The following LTBP1 variants were observed in gnomAD, a reference collection of about 807,000 sequenced individuals.
The protein encoded by LTBP1 is latent transforming growth factor beta binding protein 1, also known as latent-transforming growth factor beta-binding protein 1.
Under a neutral mutation model 207.6 loss-of-function variants are expected in LTBP1, and 129 were observed. That is an observed-to-expected ratio of 0.62 (90% CI 0.54 to 0.72). The LOEUF is 0.72. Ranked by LOEUF, LTBP1 falls within the 30% of genes least tolerant of loss-of-function variation. LTBP1 has a pLI of 0.00. For synonymous variants in LTBP1, 963 were observed against 833.7 expected, an observed-to-expected ratio of 1.16 and a Z score of -2.67; for missense variants, 2,281 against 2,217.2, an observed-to-expected ratio of 1.03 and a Z score of -0.58.
At chr2:33,158,142 AAAAAAC>A (rs1327134406) in intron 5 of LTBP1, among the ~76,000 whole-genome samples, 10 of 117,290 alleles carry the variant, frequency 8.5e-5, no homozygotes, top group East Asian at 3.1e-4. Flanking sequence ...TGTCTCAAAA[AAAAAAC>A]AAAAAAAAAA....
At chr2:32,981,120 T>G (rs1682699696) in intron 2 of LTBP1, among the ~76,000 whole-genome samples, 1 of 152,174 alleles carries the variant, frequency 6.6e-6, no homozygotes, top group Non-Finnish European at 1.5e-5. Context: ...TATTTTTCTC[T>G]AGGTTTGGGA....
intron 4 of LTBP1, among the ~76,000 whole-genome samples, chr2:33,128,026 T>C (rs929832314): frequency 6.6e-6 from 1 of 152,140 alleles, no homozygotes; most frequent in African/African-American, 2.4e-5. Context: ...AACAATGATA[T>C]AGGATCCTAA....
intron 5 of LTBP1, among the ~76,000 whole-genome samples, chr2:33,149,120 C>T (rs964100172): frequency 2.7e-5 from 4 of 150,636 alleles, no homozygotes; most frequent in Admixed American, 6.7e-5. Context: ...GAGGCTGAGG[C>T]AGGAGAATGG....
intron 24 of LTBP1, among the ~76,000 whole-genome samples, chr2:33,341,729 A>AAATATATATATATAT (rs745445793): frequency 9.0e-4 from 84 of 93,608 alleles, no homozygotes; most frequent in East Asian, 1.3e-3. Flanking sequence ...AAAAAAAAAA[A>AAATATATATATATAT]ATATATATAT....
At chr2:32,973,652 A>G (rs1479749306) in intron 2 of LTBP1, among the ~76,000 whole-genome samples, 3 of 152,148 alleles carry the variant, frequency 2.0e-5, no homozygotes, top group Non-Finnish European at 2.9e-5. Flanking sequence ...ATAGACCAAA[A>G]TCACCCTATT....
chr2:33,106,183 C>T (rs1441084968), intron 3 of LTBP1, among the ~76,000 whole-genome samples: 1 of 152,216 alleles, frequency 6.6e-6, no homozygotes, highest in Non-Finnish European at 1.5e-5. Flanking sequence ...CTTTCATTCT[C>T]TTGCTGCTAT....
At chr2:33,328,162 T>TAAATAAATAAATAAATAAAATAAAATA (rs61232623) in intron 24 of LTBP1, among the ~76,000 whole-genome samples, 21 of 145,934 alleles carry the variant, frequency 1.4e-4, no homozygotes, top group African/African-American at 5.8e-4. Flanking sequence ...AATAAATAAA[T>TAAATAAATAAATAAATAAAATAAAATA]AAATAAAATA....
chr2:33,005,650 A>G lies in LTBP1; in HGVS notation c.566-15259A>G, dbSNP rs1413606041. 2.0e-5 allele frequency among the ~76,000 whole-genome samples: 3 copies of G among 146,516 alleles called. No homozygotes were observed. The East Asian group carries it at 5.9e-4, about 29-fold the overall frequency. On this transcript the variant is annotated intron_variant, in intron 2 of 33. Coordinates refer to ENST00000404816, the MANE Select transcript of LTBP1 (RefSeq NM_206943.4). ...GTTTCTGGCTGGAGTGCTGTGGCACAATCTTGGCTCACTGCAACCTCCGCT... is the reference window on the plus strand; with the variant it reads ...GTTTCTGGCTGGAGTGCTGTGGCACGATCTTGGCTCACTGCAACCTCCGCT...
At chr2:32,947,957 C>G (rs1676498755) in intron 1 of LTBP1, 139 bp downstream of exon 1, 1 of 673,532 alleles carries the variant, frequency 1.5e-6, no homozygotes, top group Non-Finnish European at 2.1e-6. Flanking sequence ...CCTCCCGCCT[C>G]CGCCTGCTCT....
intron 4 of LTBP1, among the ~76,000 whole-genome samples, chr2:33,123,807 A>G (rs537863958): frequency 6.6e-6 from 1 of 152,316 alleles, no homozygotes; most frequent in East Asian, 1.9e-4. Context: ...AGCACTTTAT[A>G]TGCATTAATT....
chr2:33,390,850 A>G (rs2095308876), intron 32 of LTBP1, among the ~76,000 whole-genome samples: 1 of 152,066 alleles, frequency 6.6e-6, no homozygotes, highest in Admixed American at 6.6e-5. Context: ...GACTTTAGAG[A>G]AAAATGCAGT....
Position 33,342,935 on chromosome 2 carries a change from A to G in LTBP1, c.3828A>G (p.Gln1276=). 6.2e-7 allele frequency: 1 copy of G among 1,613,986 alleles called. No individual in the cohort carries two copies. Residue 1276 remains glutamine, a synonymous_variant, in exon 25 of 34, where the codon CAA becomes CAG. Coordinates refer to ENST00000404816, the MANE Select transcript of LTBP1 (RefSeq NM_206943.4). ...GCTGCCTCTGTTATCAGGGCTTTCA[A>G]GCCCCACAGGATGGGCAAGGGTGTG... is the stretch of plus-strand genomic sequence containing the variant. ...SFRCLCYQGF[Q]APQDGQGCVD...
intron 31 of LTBP1, 146 bp downstream of exon 31, chr2:33,365,649 GTA>G: frequency 2.9e-6 from 2 of 687,910 alleles, no homozygotes; most frequent in Admixed American, 3.1e-5. Flanking sequence ...GTGTGTGTGT[GTA>G]GGGCAGAACT....
Position 33,092,203 on chromosome 2 carries a change from A to G in LTBP1, c.864-18379A>G, listed in dbSNP as rs1021896025. On this transcript the variant is annotated intron_variant, in intron 3 of 33. Coordinates refer to ENST00000404816, the MANE Select transcript of LTBP1 (RefSeq NM_206943.4). ...TGCACACACACACACACGCGCACACACACACACACACAGTTTGTCACAGAA... is the reference window on the plus strand; with the variant it reads ...TGCACACACACACACACGCGCACACGCACACACACACAGTTTGTCACAGAA... Among the ~76,000 whole-genome samples the G allele has an allele frequency of 1.2e-4, 18 of 152,292 alleles. No homozygotes were observed. The East Asian group carries it at 3.5e-3, about 29-fold the overall frequency.
intron 4 of LTBP1, among the ~76,000 whole-genome samples, chr2:33,132,649 C>T (rs1344809314): frequency 6.6e-6 from 1 of 152,142 alleles, no homozygotes; most frequent in Admixed American, 6.5e-5. Context: ...TCTGCTTGGC[C>T]ACTAGGACAT....
chr2:33,250,499 C>A lies in LTBP1; in HGVS notation c.2000-2178C>A, dbSNP rs1202614977. On this transcript the variant is annotated intron_variant, in intron 10 of 33. Transcript: ENST00000404816. The stretch of plus-strand genomic sequence containing the variant: ...ACCTAAGGCAGGGAAGGAGAGGGAA[C>A]CAAGGGAGCCTGCTCAGCCAGGATT... 3.3e-5 allele frequency among the ~76,000 whole-genome samples: 5 copies of A among 152,110 alleles called. No homozygotes were observed. In the East Asian group the frequency reaches 9.6e-4, roughly 29 times the overall value.
intron 2 of LTBP1, among the ~76,000 whole-genome samples, chr2:33,019,877 T>G (rs1018047778): frequency 1.6e-5 from 2 of 125,118 alleles, no homozygotes; most frequent in South Asian, 5.2e-4. Context: ...TAATTAAATT[T>G]TTTTTTTTTT....
At chr2:33,372,087 A>G (rs890239886) in intron 31 of LTBP1, among the ~76,000 whole-genome samples, 2 of 152,180 alleles carry the variant, frequency 1.3e-5, no homozygotes, top group African/African-American at 2.4e-5. Flanking sequence ...TCCCTAGTGG[A>G]TAAGGGAGAA....
intron 3 of LTBP1, among the ~76,000 whole-genome samples, chr2:33,033,067 A>G (rs13391477): frequency 0.14 from 20,886 of 152,220 alleles, 1,569 homozygotes; most frequent in South Asian, 0.21. Context: ...ACAAGAAACC[A>G]AAAGAAATGA....
Sources: allele counts gnomAD v4.1 joint callset (sites outside exome capture counted in the v4.1 genomes callset), GRCh38; gene constraint gnomAD v4.1.1; transcripts MANE v1.5; gene names NCBI Gene and HGNC (gene_info 2026-07-23, HGNC 2026-07-21).